The following KCNMA1 variants were observed in gnomAD, a reference collection of about 807,000 sequenced individuals.
The protein encoded by KCNMA1 is potassium calcium-activated channel subfamily M alpha 1.
In KCNMA1, 29 loss-of-function variants were observed where a neutral mutation model predicts 140.0. The ratio of observed to expected loss-of-function variants is 0.21; its 90% confidence interval spans 0.15 to 0.28. KCNMA1 has a LOEUF of 0.28. KCNMA1 is among the 10% of genes least tolerant of loss of function. KCNMA1 has a pLI of 1.00. For missense variants in KCNMA1, 880 were observed against 1,602.2 expected (o/e 0.55, Z 7.70); for synonymous variants, 612 against 611.9 (o/e 1.00, Z 0.00).
intron 1 of KCNMA1, among the ~76,000 whole-genome samples, chr10:77,530,127 C>G (rs988868440): frequency 6.6e-6 from 1 of 152,208 alleles, no homozygotes; most frequent in Admixed American, 6.5e-5. Context: ...CTAACTAACA[C>G]GAGAAGGCCA....
chr10:76,991,521 C>T (rs1421999956), intron 19 of KCNMA1, among the ~76,000 whole-genome samples: 1 of 152,078 alleles, frequency 6.6e-6, no homozygotes, highest in Non-Finnish European at 1.5e-5. Flanking sequence ...CATATATATA[C>T]TATATAGTAA....
chr10:77,158,148 G>C (rs1267084924), intron 5 of KCNMA1, among the ~76,000 whole-genome samples: 1 of 152,182 alleles, frequency 6.6e-6, no homozygotes, highest in Non-Finnish European at 1.5e-5. Flanking sequence ...ACACTTTTAG[G>C]GAGAAGGAAG....
At chr10:76,907,004 G>T (rs1173609239) in intron 25 of KCNMA1, among the ~76,000 whole-genome samples, 1 of 152,158 alleles carries the variant, frequency 6.6e-6, no homozygotes, top group African/African-American at 2.4e-5. Context: ...AATATGTCTT[G>T]CTTCAACACT....
intron 14 of KCNMA1, among the ~76,000 whole-genome samples, chr10:77,064,334 C>G (rs2095857373): frequency 6.6e-6 from 1 of 152,116 alleles, no homozygotes. Flanking sequence ...ACATATAAGA[C>G]ACATGAAATG....
intron 19 of KCNMA1, among the ~76,000 whole-genome samples, chr10:76,981,067 G>A (rs1409530328): frequency 6.6e-6 from 1 of 152,150 alleles, no homozygotes; most frequent in Non-Finnish European, 1.5e-5. Context: ...TTATTGCCTT[G>A]GCTTTGAAGA....
At chr10:77,503,855 C>G (rs2044797697) in intron 1 of KCNMA1, among the ~76,000 whole-genome samples, 1 of 152,190 alleles carries the variant, frequency 6.6e-6, no homozygotes, top group Non-Finnish European at 1.5e-5. Flanking sequence ...ACCATATTAG[C>G]AACAAGGTAT....
chr10:77,633,838 C>T (rs1280736686), intron 1 of KCNMA1, among the ~76,000 whole-genome samples: 1 of 152,194 alleles, frequency 6.6e-6, no homozygotes, highest in Non-Finnish European at 1.5e-5. Flanking sequence ...AAGTTGGCCT[C>T]AGTTTCCCCA....
At chr10:77,103,148 T>G (rs1317878596) in intron 9 of KCNMA1, among the ~76,000 whole-genome samples, 1 of 152,196 alleles carries the variant, frequency 6.6e-6, no homozygotes, top group Non-Finnish European at 1.5e-5. Context: ...GGAATCCTCT[T>G]TAAAATATGA....
At chr10:76,874,169 A>C (rs1047190421), downstream of KCNMA1, 3 of 152,230 alleles carry the variant, frequency 2.0e-5, no homozygotes, top group Admixed American at 6.5e-5. Flanking sequence ...CAAATTGAGA[A>C]ATCTGCATCT....
At chr10:77,564,651 C>T (rs904276599) in intron 1 of KCNMA1, among the ~76,000 whole-genome samples, 1 of 152,188 alleles carries the variant, frequency 6.6e-6, no homozygotes, top group African/African-American at 2.4e-5. Flanking sequence ...ACCAAGCGCT[C>T]TTTGAGGGCA....
At chr10:76,956,014 A>G (rs189143072) in intron 20 of KCNMA1, among the ~76,000 whole-genome samples, 28 of 152,306 alleles carry the variant, frequency 1.8e-4, no homozygotes, top group African/African-American at 6.7e-4. Context: ...TTTAGGATTT[A>G]AAAGATACTC....
chr10:76,918,918 T>A (rs924889018), intron 23 of KCNMA1, among the ~76,000 whole-genome samples: 3 of 144,252 alleles, frequency 2.1e-5, no homozygotes, highest in East Asian at 4.1e-4. Flanking sequence ...ATATATCACA[T>A]CACACACACA....
At position 77,409,910 on chromosome 10, in the gene KCNMA1, C is replaced by T. The variant is rs190753716; in HGVS notation, c.379-5887G>A. Among the ~76,000 whole-genome samples the T allele has an allele frequency of 1.1e-3, 172 of 152,350 alleles. 2 individuals carry two copies. The highest frequency in any genetic ancestry group is 3.4e-3 in the Middle Eastern group (1 of 294). On this transcript the variant is annotated intron_variant, in intron 1 of 27. Transcript: ENST00000286628. The stretch of plus-strand genomic sequence containing the variant: ...AACCCTCCATATTCTCTTCTATGAA[C>T]AGGGATGAGTCCTGCCTTGTCACCC...
At chr10:77,306,932 G>A (rs1187814897) in intron 2 of KCNMA1, among the ~76,000 whole-genome samples, 1 of 152,194 alleles carries the variant, frequency 6.6e-6, no homozygotes, top group East Asian at 1.9e-4. Context: ...AATCTCATTA[G>A]CCAAGGTCAA....
At chr10:76,991,935 T>C (rs1023501261) in intron 19 of KCNMA1, among the ~76,000 whole-genome samples, 1 of 152,220 alleles carries the variant, frequency 6.6e-6, no homozygotes, top group African/African-American at 2.4e-5. Context: ...TCGATACAGC[T>C]GGTGCAGTGC....
At chr10:77,597,814 C>T (rs1425716409) in intron 1 of KCNMA1, among the ~76,000 whole-genome samples, 1 of 152,176 alleles carries the variant, frequency 6.6e-6, no homozygotes, top group African/African-American at 2.4e-5. Context: ...CTCCCAAGTT[C>T]CTTTTGGTCT....
At chr10:77,469,468 A>G (rs1258146239) in intron 1 of KCNMA1, among the ~76,000 whole-genome samples, 1 of 152,170 alleles carries the variant, frequency 6.6e-6, no homozygotes, top group African/African-American at 2.4e-5. Flanking sequence ...GTCCCTGAAT[A>G]TAACGGTTGC....
At chr10:77,161,547 G>A (rs2098554604) in intron 5 of KCNMA1, among the ~76,000 whole-genome samples, 1 of 152,104 alleles carries the variant, frequency 6.6e-6, no homozygotes, top group African/African-American at 2.4e-5. Context: ...GCCTGATGGA[G>A]TTTTAATAGT....
intron 3 of KCNMA1, 64 bp downstream of exon 3, chr10:77,251,131 G>C: frequency 1.6e-6 from 2 of 1,283,904 alleles, no homozygotes; most frequent in South Asian, 1.2e-5. Flanking sequence ...TAAATAAATG[G>C]ATCAATGTAA....
Sources: allele counts gnomAD v4.1 joint callset (sites outside exome capture counted in the v4.1 genomes callset), GRCh38; gene constraint gnomAD v4.1.1; transcripts MANE v1.5; gene names NCBI Gene and HGNC (gene_info 2026-07-23, HGNC 2026-07-21).